The following WFS1 variants were observed in gnomAD, a reference collection of about 807,000 sequenced individuals.
WFS1 encodes the protein wolframin ER transmembrane glycoprotein.
Under a neutral mutation model 68.5 loss-of-function variants are expected in WFS1, and 90 were observed. That is an observed-to-expected ratio of 1.31 (90% CI 1.11 to 1.56). WFS1 has a LOEUF of 1.56. WFS1 is among the 40% of genes most tolerant of loss of function. The pLI is 0.00. For missense variants in WFS1, 1,767 were observed against 1,232.6 expected (o/e 1.43, Z -6.49); for synonymous variants, 860 against 540.7 (o/e 1.59, Z -8.19).
intron 6 of WFS1, among the ~76,000 whole-genome samples, chr4:6,294,161 C>T (rs557583731): frequency 6.6e-6 from 1 of 152,324 alleles, no homozygotes; most frequent in Non-Finnish European, 1.5e-5. Flanking sequence ...CCTGGCTTGT[C>T]TCCCTCTGCC....
At chr4:6,281,671 G>T (rs1351306035) in intron 2 of WFS1, among the ~76,000 whole-genome samples, 1 of 152,106 alleles carries the variant, frequency 6.6e-6, no homozygotes, top group African/African-American at 2.4e-5. Flanking sequence ...GGCCCAGGAG[G>T]GACTGGGGCT....
In WFS1 at chr4:6,301,994, C is replaced by G; in HGVS notation, c.2199C>G (p.Cys733Trp). The G allele has an allele frequency of 6.2e-7, 1 of 1,612,696 alleles. No homozygotes were observed. The highest frequency in any genetic ancestry group is 1.1e-5 in the South Asian group (1 of 91,066). Residue 733 changes from cysteine (C) to tryptophan (W), a missense_variant, in exon 8 of 8, where the codon TGC (cysteine) becomes TGG (tryptophan). Transcript: ENST00000226760. ...LPFFIGDWMR[C>W]LYGEAYPACS... ...TCTTCATCGGCGACTGGATGCGCTG[C>G]CTCTACGGCGAGGCCTACCCTGCCT...
rs71530904 is a variant in WFS1, at chr4:6,300,929, C to A, written c.1134C>A (p.Thr378=). 2.7e-3 allele frequency: 4,388 copies of A among 1,614,170 alleles called. 146 individuals carry two copies. The South Asian group carries it at 0.044, about 16-fold the overall frequency. The change falls in exon 8 of 8, where the codon ACC becomes ACA. Residue 378 remains threonine (T), a synonymous_variant. Coordinates refer to ENST00000226760, the MANE Select transcript of WFS1 (RefSeq NM_006005.3). ...SKAWENFRTL[T]DLLLRFEPNL... is the part of the protein sequence containing the mutation. ...CCTGGGAGAACTTCCGCACCCTCAC[C>A]GACCTGCTGCTGCGCTTCGAGCCCA...
rs147535903 is a variant in WFS1, at chr4:6,284,409, A to G, written c.233-2684A>G. On this transcript the variant is annotated intron_variant, in intron 2 of 7. Coordinates refer to ENST00000226760, the MANE Select transcript of WFS1 (RefSeq NM_006005.3). Reference sequence around the variant, plus strand: ...AATAAAAAAGAGAGAGAGATTCTGTATATCGGGGAGATGTCTTGAAATGTC... The same window carrying G: ...AATAAAAAAGAGAGAGAGATTCTGTGTATCGGGGAGATGTCTTGAAATGTC... Among the ~76,000 whole-genome samples the G allele has an allele frequency of 5.3e-4, 81 of 152,348 alleles. 1 individual carries two copies. Among genetic ancestry groups the G allele is most frequent in the African/African-American group, 1.9e-3 (78 of 41,582 alleles).
At position 6,289,059 on chromosome 4, in the gene WFS1, C is replaced by A. The variant is rs1310942566; in HGVS notation, c.388C>A (p.Leu130Met). 1.3e-6 allele frequency: 2 copies of A among 1,597,686 alleles called. No individual in the cohort carries two copies. Among genetic ancestry groups the A allele is most frequent in the Admixed American group, 3.5e-5 (2 of 57,678 alleles). ...ELNSCTAVDW[L>M]VLAAKQGRRE... ...CAACAGCTGCACCGCTGTGGACTGG[C>A]TGGTCCTCGCCGCGAAGCAGGGCCG... Residue 130 changes from leucine (L) to methionine (M), a missense_variant, in exon 4 of 8, where the codon CTG (leucine) becomes ATG (methionine). By Grantham distance (15) the Leu-to-Met change is conservative. Transcript: ENST00000226760.
At position 6,302,776 on chromosome 4, in the gene WFS1, T is replaced by C. The variant is rs1455191635; in HGVS notation, c.*308T>C. On this transcript the variant is annotated 3_prime_UTR_variant, in exon 8 of 8. Transcript: ENST00000226760. ...GGTTCCGGTGTCTGGAAAAGCACTTTACAGATGAGATTCCCTCTCCTCCCC... is the reference window on the plus strand; with the variant it reads ...GGTTCCGGTGTCTGGAAAAGCACTTCACAGATGAGATTCCCTCTCCTCCCC... The C allele has an allele frequency of 4.1e-6, 2 of 493,062 alleles. No individual in the cohort carries two copies. The highest frequency in any genetic ancestry group is 7.1e-5 in the East Asian group (2 of 28,030). The allele number at this position is 493,062 out of a possible 1,614,324, so 30.5% of individuals were successfully genotyped here. A position where few individuals can be genotyped will look rare whatever the true frequency, so the allele number is the denominator to read the frequency against.
At chr4:6,277,713 G>T (rs1389393787) in intron 2 of WFS1, 26 bp downstream of exon 2, 4 of 1,549,216 alleles carry the variant, frequency 2.6e-6, no homozygotes, top group African/African-American at 1.4e-5. Context: ...GGGAAGCCCA[G>T]GCTGGGGATG....
intron 3 of WFS1, 24 bp from the exon 4 acceptor site, chr4:6,288,963 G>T (rs71524348): frequency 5.7e-5 from 91 of 1,604,546 alleles, no homozygotes; most frequent in African/African-American, 5.6e-4. Flanking sequence ...AGAATCTGGA[G>T]GCTGACTGGT....
chr4:6,288,915 G>T (rs1216970745), intron 3 of WFS1, 72 bp from the exon 4 acceptor site: 3 of 1,569,670 alleles, frequency 1.9e-6, no homozygotes, highest in African/African-American at 2.7e-5. Flanking sequence ...GGTGAAAGGA[G>T]GTGGGCTGGC....
rs1730354969 is a variant in WFS1 at position 6,287,734 on chromosome 4, G to A, written c.315+559G>A. Among the ~76,000 whole-genome samples, 1 of 152,144 alleles carries A rather than the reference G, an allele frequency of 6.6e-6. No homozygotes were observed. The highest frequency in any genetic ancestry group is 6.5e-5 in the Admixed American group (1 of 15,274). ...ATACAGTGATTTTGAATTCTGGTGAGGGGAGAAGCCAGCAGAACGCTGAGA... is the reference window on the plus strand; with the variant it reads ...ATACAGTGATTTTGAATTCTGGTGAAGGGAGAAGCCAGCAGAACGCTGAGA... On this transcript the variant is annotated intron_variant, in intron 3 of 7. Coordinates refer to ENST00000226760, the MANE Select transcript of WFS1 (RefSeq NM_006005.3). The surrounding 1 kb of genome is among the most constrained non-coding windows in gnomAD (Gnocchi z 6.4).
chr4:6,300,903 G>T lies in WFS1; in HGVS notation c.1108G>T (p.Ala370Ser). 6.2e-7 allele frequency: 1 copy of T among 1,614,128 alleles called. No homozygotes were observed. Among genetic ancestry groups the T allele is most frequent in the Non-Finnish European group, 8.5e-7 (1 of 1,180,022 alleles). Residue 370 changes from alanine to serine, a missense_variant, in exon 8 of 8, where the codon GCC becomes TCC. Ala to Ser is a moderately conservative substitution (Grantham distance 99). Coordinates refer to ENST00000226760, the MANE Select transcript of WFS1 (RefSeq NM_006005.3). ...CTLKVFQDSKAWENFRTLTDL... is the reference protein window; with the variant it reads ...CTLKVFQDSKSWENFRTLTDL... ...CCTCAAGGTGTTCCAGGACAGCAAGGCCTGGGAGAACTTCCGCACCCTCAC... is the reference window on the plus strand; with the variant it reads ...CCTCAAGGTGTTCCAGGACAGCAAGTCCTGGGAGAACTTCCGCACCCTCAC...
chr4:6,294,387 G>A (rs543786199), intron 6 of WFS1, among the ~76,000 whole-genome samples: 1 of 152,242 alleles, frequency 6.6e-6, no homozygotes, highest in South Asian at 2.1e-4. Context: ...TTGGATGGAG[G>A]GGTAAGTCGG....
At chr4:6,286,210 T>G (rs1280683511) in intron 2 of WFS1, among the ~76,000 whole-genome samples, 3 of 152,192 alleles carry the variant, frequency 2.0e-5, no homozygotes, top group Non-Finnish European at 4.4e-5. Flanking sequence ...ACTGAAAGTT[T>G]GTGTCTCTCC....
At position 6,302,032 on chromosome 4, in the gene WFS1, A is replaced by G. The variant is rs2109127276; in HGVS notation, c.2237A>G (p.Asn746Ser). 2.5e-6 allele frequency: 4 copies of G among 1,612,788 alleles called. No individual in the cohort carries two copies. The highest frequency in any genetic ancestry group is 2.5e-6 in the Non-Finnish European group (3 of 1,179,932). Residue 746 changes from asparagine to serine, a missense_variant, in exon 8 of 8, where the codon AAC (asparagine) becomes AGC (serine). Asn to Ser is a conservative substitution (Grantham distance 46, BLOSUM62 1). Transcript: ENST00000226760. ...GCCTACCCTGCCTGCAGCCCTGGCA[A>G]CACCTCCACGGCCGAGGAGGAGCTC... The part of the protein sequence containing the change: ...GEAYPACSPG[N>S]TSTAEEELCR...
At chr4:6,276,404 A>C (rs1382926742) in intron 1 of WFS1, among the ~76,000 whole-genome samples, 1 of 152,132 alleles carries the variant, frequency 6.6e-6, no homozygotes, top group African/African-American at 2.4e-5. Flanking sequence ...CCGGCGTGAC[A>C]CGGGTCACGG....
intron 7 of WFS1, among the ~76,000 whole-genome samples, chr4:6,299,333 T>G (rs1050620222): frequency 6.6e-6 from 1 of 152,238 alleles, no homozygotes; most frequent in East Asian, 1.9e-4. Flanking sequence ...ACCTTAGCGC[T>G]GCATGCAGAG....
intron 1 of WFS1, among the ~76,000 whole-genome samples, chr4:6,276,358 G>A (rs1249543662): frequency 1.3e-5 from 2 of 152,204 alleles, no homozygotes; most frequent in Non-Finnish European, 2.9e-5. Flanking sequence ...TAAGCAGCAT[G>A]TGAGGGCCTC....
At chr4:6,293,464 C>T (rs570474758) in intron 6 of WFS1, among the ~76,000 whole-genome samples, 24 of 152,326 alleles carry the variant, frequency 1.6e-4, no homozygotes, top group African/African-American at 5.3e-4. Context: ...TCTCGTCCTC[C>T]GTCCTTTGCT....
intron 2 of WFS1, among the ~76,000 whole-genome samples, chr4:6,285,647 C>T (rs965248214): frequency 6.6e-6 from 1 of 152,250 alleles, no homozygotes; most frequent in Non-Finnish European, 1.5e-5. Context: ...TCTGCCTTTG[C>T]ACCTGGCCAC....
Sources: allele counts gnomAD v4.1 joint callset (sites outside exome capture counted in the v4.1 genomes callset), GRCh38; gene constraint gnomAD v4.1.1; non-coding constraint Gnocchi (gnomAD v3.1); transcripts MANE v1.5; gene names NCBI Gene and HGNC (gene_info 2026-07-23, HGNC 2026-07-21).